The following CHRNA1 variants were observed in gnomAD, a reference collection of about 807,000 sequenced individuals.
The protein encoded by CHRNA1 is acetylcholine receptor subunit alpha.
In CHRNA1, 35 loss-of-function variants were observed where a neutral mutation model predicts 47.1. That is an observed-to-expected ratio of 0.74 (90% CI 0.57 to 0.99). The LOEUF (loss-of-function observed/expected upper bound fraction) is 0.99. Among genes scored for constraint, CHRNA1 ranks in the 50% least tolerant of loss-of-function variants. The probability of loss-of-function intolerance (pLI) is 0.00; values close to 1 mark genes in which losing one functional copy is unlikely to be tolerated. For missense variants in CHRNA1, 506 were observed against 591.1 expected (o/e 0.86, Z 1.49); for synonymous variants, 229 against 223.6 (o/e 1.02, Z -0.22).
chr2:174,751,498 T>C (rs1419407110), intron 6 of CHRNA1, among the ~76,000 whole-genome samples: 1 of 152,140 alleles, frequency 6.6e-6, no homozygotes, highest in Non-Finnish European at 1.5e-5. Context: ...TTGTCAATTC[T>C]ACCTGGTGGG....
intron 1 of CHRNA1, among the ~76,000 whole-genome samples, chr2:174,761,783 T>C (rs368809785): frequency 1.5e-4 from 23 of 152,340 alleles, no homozygotes; most frequent in African/African-American, 4.8e-4. Context: ...CCCCTGGGAC[T>C]TGATAATCCT....
chr2:174,750,535 A>G, intron 6 of CHRNA1, among the ~76,000 whole-genome samples: 1 of 152,216 alleles, frequency 6.6e-6, no homozygotes, highest in Admixed American at 6.5e-5. Context: ...GAGAAATTAC[A>G]TTTCTGTTAT....
chr2:174,756,081 T>C (rs1683976547), intron 4 of CHRNA1, among the ~76,000 whole-genome samples: 1 of 151,926 alleles, frequency 6.6e-6, no homozygotes, highest in African/African-American at 2.4e-5. Flanking sequence ...TGGATTTTTC[T>C]AGAGAGGCTA....
Position 174,750,008 on chromosome 2 carries a change from T to A in CHRNA1, c.940A>T (p.Ile314Phe). ...GAGCGGTGGTGTGTGTTGATGACGA[T>A]GACAGTGATGATGATGGAGGCAATG... ...FVIASIIITV[I>F]VINTHHRSPS... Residue 314 changes from isoleucine to phenylalanine, a missense_variant, in exon 7 of 9, where the codon ATC becomes TTC. Ile to Phe is a conservative substitution (Grantham distance 21, BLOSUM62 0). Transcript: ENST00000348749. The A allele has an allele frequency of 6.2e-7, 1 of 1,614,088 alleles. No homozygotes were observed. Among genetic ancestry groups the A allele is most frequent in the Non-Finnish European group, 8.5e-7 (1 of 1,180,024 alleles).
chr2:174,760,549 G>C (rs751187044), intron 1 of CHRNA1, among the ~76,000 whole-genome samples: 3 of 152,198 alleles, frequency 2.0e-5, no homozygotes, highest in Non-Finnish European at 2.9e-5. Flanking sequence ...CAGGGACTGG[G>C]GGGGAGAGAG....
Position 174,754,403 on chromosome 2 carries a change from T to G in CHRNA1, c.356A>C (p.Asp119Ala). The G allele has an allele frequency of 6.2e-7, 1 of 1,614,080 alleles. No individual in the cohort carries two copies. The highest frequency in any genetic ancestry group is 8.5e-7 in the Non-Finnish European group (1 of 1,180,028). The change falls in exon 5 of 9, where the codon GAC becomes GCC. Residue 119 changes from aspartate to alanine, a missense_variant. Physicochemically the swap from Asp to Ala is moderately radical, Grantham distance 126. Transcript: ENST00000348749. ...DLVLYNNADGDFAIVKFTKVL... is the reference protein window; with the variant it reads ...DLVLYNNADGAFAIVKFTKVL... ...TTTGGTGAACTTGACAATAGCAAAG[T>G]CACCATCTGCACTACAATTGGGATA...
intron 6 of CHRNA1, among the ~76,000 whole-genome samples, chr2:174,751,644 G>A (rs1648154165): frequency 6.6e-6 from 1 of 151,410 alleles, no homozygotes; most frequent in Admixed American, 6.6e-5. Context: ...TGTGCTAAGT[G>A]CTTTTCTTTT....
At chr2:174,762,108 C>T (rs1684112244) in intron 1 of CHRNA1, among the ~76,000 whole-genome samples, 2 of 152,186 alleles carry the variant, frequency 1.3e-5, no homozygotes, top group African/African-American at 4.8e-5. Flanking sequence ...CTCCTCCTTT[C>T]CCACCCTAGC....
intron 7 of CHRNA1, among the ~76,000 whole-genome samples, chr2:174,749,165 A>G (rs1211378895): frequency 6.6e-6 from 1 of 152,222 alleles, no homozygotes; most frequent in Non-Finnish European, 1.5e-5. Flanking sequence ...CACCAGGATC[A>G]AATGGTTAAA....
chr2:174,754,747 G>T (rs1260650105), intron 4 of CHRNA1, among the ~76,000 whole-genome samples: 1 of 151,868 alleles, frequency 6.6e-6, no homozygotes, highest in Non-Finnish European at 1.5e-5. Flanking sequence ...GCCCTCACAA[G>T]TATTTGTAAT....
intron 6 of CHRNA1, among the ~76,000 whole-genome samples, chr2:174,751,770 C>T (rs1574004861): frequency 6.6e-6 from 1 of 151,756 alleles, no homozygotes; most frequent in East Asian, 1.9e-4. Flanking sequence ...CCTCCGCCTC[C>T]AGGGTTCAAG....
At position 174,764,368 on chromosome 2, in the gene CHRNA1, G is replaced by A; in HGVS notation, c.27C>T (p.Leu9=). ...AGCACTTACCTGAGCAAAGGCTAAA[G>A]AGCAGGAGGAGAGGCCAGGGCTCCA... The part of the protein sequence containing the change: MEPWPLLL[L]FSLCSAGLVL... The change falls in exon 1 of 9, where the codon CTC becomes CTT. Residue 9 remains leucine, a synonymous_variant. Transcript: ENST00000348749. The A allele has an allele frequency of 1.9e-6, 3 of 1,613,528 alleles. No individual in the cohort carries two copies. Among genetic ancestry groups the A allele is most frequent in the Non-Finnish European group, 1.7e-6 (2 of 1,179,776 alleles).
At chr2:174,762,897 C>T (rs1024454240) in intron 1 of CHRNA1, among the ~76,000 whole-genome samples, 2 of 152,226 alleles carry the variant, frequency 1.3e-5, no homozygotes, top group African/African-American at 4.8e-5. Context: ...AAATTTTGAA[C>T]TGTTACTAGT....
At chr2:174,756,754 C>T (rs2646165) in intron 4 of CHRNA1, among the ~76,000 whole-genome samples, 115,956 of 152,130 alleles carry the variant, frequency 0.76, 46,881 homozygotes, top group East Asian at 0.94. Flanking sequence ...TAAAAGGTAT[C>T]GTTTTCATCC....
intron 4 of CHRNA1, among the ~76,000 whole-genome samples, chr2:174,755,218 C>T (rs1285516957): frequency 2.0e-5 from 3 of 152,044 alleles, no homozygotes; most frequent in African/African-American, 7.2e-5. Flanking sequence ...ATTTAGAACT[C>T]ATTGGGGTGG....
chr2:174,753,570 G>A lies in CHRNA1; in HGVS notation c.711C>T (p.Asn237=), dbSNP rs137852798. 38 of 1,614,052 alleles carry A rather than the reference G, an allele frequency of 2.4e-5. No individual in the cohort carries two copies. Among genetic ancestry groups the A allele is most frequent in the Admixed American group, 3.3e-5 (2 of 59,992 alleles). ...AGAAGAGCAGGCAGGGGATGATGAC[G>A]TTGACGATGAAGTAGAGGGGCAGGC... is the stretch of plus-strand genomic sequence containing the variant. ...MQRLPLYFIV[N]VIIPCLLFSF... Residue 237 remains asparagine (N), a synonymous_variant, in exon 6 of 9, where the codon AAC becomes AAT. Coordinates refer to ENST00000348749, the MANE Select transcript of CHRNA1 (RefSeq NM_000079.4).
At chr2:174,753,456 C>T (rs752951145) in intron 6 of CHRNA1, 47 bp downstream of exon 6, 14 of 1,536,474 alleles carry the variant, frequency 9.1e-6, no homozygotes, top group South Asian at 3.4e-5. Flanking sequence ...AATAGCAGCA[C>T]GAGACCCATC....
Position 174,759,342 on chromosome 2 carries a change from GC to G in CHRNA1, c.222del (p.Arg75ValfsTer2), listed in dbSNP as rs199470442. On this transcript the variant is annotated frameshift_variant, in exon 3 of 9. Transcript: ENST00000348749. LOFTEE classifies it high-confidence loss of function. ...TCTGGCTAAGTTACCTGTTTCAGAC[GC>G]ACATTGGTTGTCACGATCTGATTTA... ...DEVNQIVTTN[V>X]RLKQQWVDYN... 7.4e-6 allele frequency: 12 copies of G among 1,613,978 alleles called. No individual in the cohort carries two copies. The highest frequency in any genetic ancestry group is 1.0e-5 in the Non-Finnish European group (12 of 1,179,938).
At chr2:174,752,673 T>A (rs1197806862) in intron 6 of CHRNA1, 1 of 152,536 alleles carries the variant, frequency 6.6e-6, no homozygotes, top group Non-Finnish European at 1.5e-5. Context: ...TACCACATCA[T>A]ATTTGTTCAA....
Sources: allele counts gnomAD v4.1 joint callset (sites outside exome capture counted in the v4.1 genomes callset), GRCh38; gene constraint gnomAD v4.1.1; transcripts MANE v1.5; gene names NCBI Gene and HGNC (gene_info 2026-07-23, HGNC 2026-07-21).